Variants in NTM observed in about 807,000 individuals in gnomAD.
NTM encodes neurotrimin.
A neutral mutation model predicts 42.1 loss-of-function variants in NTM; 13 were observed. That is an observed-to-expected ratio of 0.31 (90% CI 0.20 to 0.49). The LOEUF (loss-of-function observed/expected upper bound fraction) is 0.49, where lower values mean the gene tolerates loss of function less well. NTM is among the 20% of genes least tolerant of loss of function. NTM has a pLI of 0.99. For synonymous variants in NTM, 187 were observed against 179.2 expected (o/e 1.04, Z -0.35); for missense variants, 373 against 452.8 (o/e 0.82, Z 1.60).
intron 3 of NTM, among the ~76,000 whole-genome samples, chr11:132,199,813 A>C (rs180995619): frequency 6.6e-6 from 1 of 150,968 alleles, no homozygotes; most frequent in Admixed American, 6.6e-5. Context: ...GTAGCCTTTA[A>C]TTAGTTTCTG....
intron 1 of NTM, among the ~76,000 whole-genome samples, chr11:131,643,309 T>C (rs2065367567): frequency 6.6e-6 from 1 of 152,246 alleles, no homozygotes; most frequent in South Asian, 2.1e-4. Context: ...GCCTGCTTTG[T>C]TCTGGCCGTG....
chr11:131,782,042 G>C (rs2088243643), intron 1 of NTM, among the ~76,000 whole-genome samples: 1 of 152,206 alleles, frequency 6.6e-6, no homozygotes, highest in Admixed American at 6.5e-5. Flanking sequence ...CTAGAGTGGA[G>C]AGATTTTATT....
chr11:131,727,460 G>A (rs1271010159), intron 1 of NTM, among the ~76,000 whole-genome samples: 3 of 152,168 alleles, frequency 2.0e-5, no homozygotes, highest in Non-Finnish European at 4.4e-5. Context: ...GAGCCTGCTT[G>A]TGAACTTGTG....
intron 1 of NTM, among the ~76,000 whole-genome samples, chr11:131,862,540 G>A (rs116431372): frequency 6.6e-6 from 1 of 152,138 alleles, no homozygotes; most frequent in Non-Finnish European, 1.5e-5. Flanking sequence ...TGTATGAATC[G>A]AGGGTTGTTT....
At chr11:132,097,479 G>A (rs1162705876) in intron 2 of NTM, among the ~76,000 whole-genome samples, 9 of 152,184 alleles carry the variant, frequency 5.9e-5, no homozygotes, top group African/African-American at 9.6e-5. Context: ...TCACTTGTCC[G>A]TCCTGTGTCA....
intron 1 of NTM, among the ~76,000 whole-genome samples, chr11:131,641,899 G>A (rs1188796584): frequency 6.6e-6 from 1 of 151,922 alleles, no homozygotes; most frequent in Non-Finnish European, 1.5e-5. Context: ...GTTAATTTTT[G>A]TATTTTTAGT....
chr11:131,726,993 C>T (rs1214901122), intron 1 of NTM, among the ~76,000 whole-genome samples: 1 of 151,394 alleles, frequency 6.6e-6, no homozygotes, highest in East Asian at 1.9e-4. Flanking sequence ...CCAGCCCATG[C>T]CATTGCTCTT....
chr11:131,960,605 G>A (rs1326744438), intron 2 of NTM, among the ~76,000 whole-genome samples: 1 of 152,214 alleles, frequency 6.6e-6, no homozygotes, highest in African/African-American at 2.4e-5. Flanking sequence ...AGAGCTGTCA[G>A]GAGGGGATGC....
chr11:131,405,188 G>A (rs185670971), intron 1 of NTM, among the ~76,000 whole-genome samples: 8 of 152,318 alleles, frequency 5.3e-5, no homozygotes, highest in African/African-American at 1.7e-4. Context: ...CCAATTGAAA[G>A]TGTCCCTCAC....
chr11:132,282,475 T>G (rs935367418), intron 4 of NTM, among the ~76,000 whole-genome samples: 3 of 152,154 alleles, frequency 2.0e-5, no homozygotes, highest in African/African-American at 7.2e-5. Context: ...CAGATGACAG[T>G]CCCAGCCCCC....
intron 1 of NTM, among the ~76,000 whole-genome samples, chr11:131,583,688 T>C (rs1416375333): frequency 6.6e-6 from 1 of 152,204 alleles, no homozygotes; most frequent in African/African-American, 2.4e-5. Flanking sequence ...AGAGGGAGGC[T>C]GAATCCTGCC....
chr11:131,850,253 G>A (rs1434222808), intron 1 of NTM, among the ~76,000 whole-genome samples: 1 of 152,070 alleles, frequency 6.6e-6, no homozygotes, highest in Non-Finnish European at 1.5e-5. Context: ...TAACAAACGA[G>A]GATATTCACT....
At chr11:131,990,930 T>C (rs1267771849) in intron 2 of NTM, among the ~76,000 whole-genome samples, 1 of 152,164 alleles carries the variant, frequency 6.6e-6, no homozygotes, top group Non-Finnish European at 1.5e-5. Context: ...TGAACCGAGT[T>C]ACCTGATAAA....
At chr11:131,977,065 G>A (rs1287995284) in intron 2 of NTM, among the ~76,000 whole-genome samples, 1 of 152,194 alleles carries the variant, frequency 6.6e-6, no homozygotes, top group Admixed American at 6.5e-5. Context: ...TCCATTGGAA[G>A]CTTTCTATGC....
At chr11:131,711,924 T>C (rs1453785582) in intron 1 of NTM, among the ~76,000 whole-genome samples, 1 of 133,472 alleles carries the variant, frequency 7.5e-6, no homozygotes, top group Admixed American at 8.7e-5. Context: ...TAGGTGGGAA[T>C]TGAACAATGA....
chr11:131,517,579 A>T (rs922472509), intron 1 of NTM, among the ~76,000 whole-genome samples: 2 of 151,892 alleles, frequency 1.3e-5, no homozygotes, highest in African/African-American at 2.4e-5. Flanking sequence ...TGATAACTCA[A>T]GCATCACTCT....
At chr11:131,998,052 C>T (rs752874737) in intron 2 of NTM, among the ~76,000 whole-genome samples, 1 of 152,048 alleles carries the variant, frequency 6.6e-6, no homozygotes, top group Non-Finnish European at 1.5e-5. Flanking sequence ...TTCCCCTCCT[C>T]TTTCCTGGAG....
At chr11:132,005,837 C>A (rs2070642145) in intron 2 of NTM, among the ~76,000 whole-genome samples, 1 of 152,194 alleles carries the variant, frequency 6.6e-6, no homozygotes. Context: ...TAACAAACTA[C>A]CTTTCTAACT....
intron 2 of NTM, among the ~76,000 whole-genome samples, chr11:132,005,273 GA>G (rs2070504976): frequency 6.6e-6 from 1 of 152,198 alleles, no homozygotes; most frequent in Non-Finnish European, 1.5e-5. Context: ...GATGGTGTCA[GA>G]AAGACTGGAG....
Sources: gnomAD v4.1 joint callset for allele counts (sites outside exome capture counted in the v4.1 genomes callset) on GRCh38, gnomAD v4.1.1 for gene constraint, MANE v1.5 for transcripts, NCBI Gene and HGNC (gene_info 2026-07-23, HGNC 2026-07-21) for gene names.